SSB: variants seen among roughly 807,000 people sequenced by gnomAD.
The protein encoded by SSB is lupus La protein.
Under a neutral mutation model 52.9 loss-of-function variants are expected in SSB, and 17 were observed. The observed-to-expected ratio is 0.32, with a 90% CI of 0.22 to 0.48. SSB has a LOEUF of 0.48. Ranked by LOEUF, SSB falls within the 20% of genes least tolerant of loss-of-function variation. The probability of loss-of-function intolerance (pLI) is 0.99; values close to 1 mark genes in which losing one functional copy is unlikely to be tolerated. For synonymous variants in SSB, 111 were observed against 152.1 expected (o/e 0.73, Z 1.99); for missense variants, 314 against 463.6 (o/e 0.68, Z 2.96).
At chr2:169,799,520 G>C (rs898968086) in intron 1 of SSB, 2 of 152,002 alleles carry the variant, frequency 1.3e-5, no homozygotes, top group African/African-American at 4.8e-5. Flanking sequence ...GGAAAACGTG[G>C]GTAATATTTC....
At chr2:169,804,231 T>C (rs1558970057) in intron 2 of SSB, among the ~76,000 whole-genome samples, 1 of 144,106 alleles carries the variant, frequency 6.9e-6, no homozygotes, top group East Asian at 2.1e-4. Context: ...TGAGAAACAT[T>C]TACTTTAACT....
chr2:169,806,418 C>G (rs1486455524), intron 4 of SSB, among the ~76,000 whole-genome samples: 2 of 152,152 alleles, frequency 1.3e-5, no homozygotes, highest in African/African-American at 4.8e-5. Flanking sequence ...AGCAGCTAAA[C>G]TTGATTGCAG....
intron 1 of SSB, 92 bp from the exon 2 acceptor site, chr2:169,800,860 A>G (rs1381450228): frequency 1.2e-5 from 11 of 911,776 alleles, no homozygotes; most frequent in Non-Finnish European, 1.5e-5. Context: ...ATTTTTTAAG[A>G]AAACGGGATA....
intron 8 of SSB, 139 bp from the exon 9 acceptor site, chr2:169,810,144 T>C (rs909627290): frequency 2.2e-6 from 1 of 446,572 alleles, no homozygotes; most frequent in South Asian, 9.0e-5. Context: ...TCGCTCTTGC[T>C]GCCCCGGCGG....
intron 11 of SSB, 102 bp from the exon 12 acceptor site, chr2:169,811,566 G>A: frequency 1.4e-6 from 2 of 1,473,724 alleles, no homozygotes; most frequent in Non-Finnish European, 1.8e-6. Flanking sequence ...CAAGGAAGTT[G>A]TTGCATCTTT....
chr2:169,806,111 C>T (rs868064548), intron 4 of SSB: 9 of 410,748 alleles, frequency 2.2e-5, no homozygotes, highest in South Asian at 1.6e-4. Context: ...GCTGGGACTA[C>T]AGGTGCATGC....
At chr2:169,802,656 G>A (rs1689736608) in intron 2 of SSB, among the ~76,000 whole-genome samples, 1 of 152,118 alleles carries the variant, frequency 6.6e-6, no homozygotes, top group South Asian at 2.1e-4. Context: ...TTTGCTTCAT[G>A]CTCATACTAA....
chr2:169,807,193 G>A, intron 6 of SSB, 122 bp downstream of exon 6: 1 of 726,072 alleles, frequency 1.4e-6, no homozygotes, highest in East Asian at 2.5e-5. Flanking sequence ...GATGACCTTT[G>A]AGAAATGCTT....
chr2:169,810,558 G>C (rs938246004), intron 9 of SSB, 135 bp downstream of exon 9: 23 of 815,566 alleles, frequency 2.8e-5, no homozygotes, highest in Middle Eastern at 3.0e-4. Context: ...ATTGCCACTA[G>C]ATGTGATGTC....
chr2:169,810,825 G>C lies in SSB; in HGVS notation c.811-33G>C, dbSNP rs1338424294. 7 of 1,562,516 alleles carry C rather than the reference G, an allele frequency of 4.5e-6. No individual in the cohort carries two copies. The South Asian group carries it at 8.5e-5, about 19-fold the overall frequency. On this transcript the variant is annotated intron_variant, in intron 9 of 11. Transcript: ENST00000260956. ...AATTAATTGTGGGACTAAAAACCAA[G>C]GGTATGGCTTTTGTTTTCTGTCTCT...
chr2:169,809,867 C>T (rs767306423), intron 8 of SSB, among the ~76,000 whole-genome samples: 20 of 152,010 alleles, frequency 1.3e-4, no homozygotes, highest in African/African-American at 2.7e-4. Context: ...CCGCCTGCCT[C>T]GGCCTCCCAA....
Position 169,809,533 on chromosome 2 carries a change from C to T in SSB, c.669+631C>T, listed in dbSNP as rs112007149. Among the ~76,000 whole-genome samples, 983 of 152,112 alleles carry T rather than the reference C, an allele frequency of 6.5e-3. 11 individuals carry two copies. The highest frequency in any genetic ancestry group is 0.022 in the African/African-American group (920 of 41,500). ...ATACTAACATGACTTTTATTTTTGA[C>T]TTAATAAGATACTGATGTGTATTTC... is the stretch of plus-strand genomic sequence containing the variant. On this transcript the variant is annotated intron_variant, in intron 8 of 11. Coordinates refer to ENST00000260956, the MANE Select transcript of SSB (RefSeq NM_003142.5).
intron 1 of SSB, 135 bp downstream of exon 1, chr2:169,799,111 C>G (rs1689645720): frequency 6.6e-6 from 1 of 152,072 alleles, no homozygotes; most frequent in Admixed American, 6.6e-5. Context: ...AGGCCGAGCG[C>G]CGCGTGGGCC....
In SSB at chr2:169,809,014, T is replaced by C. The variant is rs1318247490; in HGVS notation, c.669+112T>C. The C allele has an allele frequency of 8.4e-6, 7 of 833,310 alleles. No homozygotes were observed. The East Asian group carries it at 1.8e-4, about 21-fold the overall frequency. 51.6% of individuals were successfully genotyped at this position (833,310 alleles called of 1,614,324 possible). On this transcript the variant is annotated intron_variant, in intron 8 of 11. Coordinates refer to ENST00000260956, the MANE Select transcript of SSB (RefSeq NM_003142.5). ...ACGTAAGCAAAGCTATCTATAGTTG[T>C]TATTGCATTAAGTAATACATCAGGT...
Position 169,810,381 on chromosome 2 carries a change from T to G in SSB, c.768T>G (p.His256Gln). ...REDLHILFSNHGEIKWIDFVR... is the reference protein window; with the variant it reads ...REDLHILFSNQGEIKWIDFVR... ...ATTTACACATACTTTTCTCAAATCA[T>G]GGTGAAATAAAATGGATAGACTTCG... Residue 256 changes from histidine (H) to glutamine (Q), a missense_variant, in exon 9 of 12, where the codon CAT becomes CAG. Transcript: ENST00000260956. 4.3e-6 allele frequency: 7 copies of G among 1,610,214 alleles called. No homozygotes were observed. The highest frequency in any genetic ancestry group is 5.9e-6 in the Non-Finnish European group (7 of 1,178,788).
At position 169,806,773 on chromosome 2, in the gene SSB, C is replaced by T. The variant is rs1381042157; in HGVS notation, c.346-12C>T. 4.4e-6 allele frequency: 7 copies of T among 1,581,472 alleles called. No homozygotes were observed. The African/African-American group carries it at 6.8e-5, about 15-fold the overall frequency. ...TATTTGTTATTTGTACATTTCTTCC[C>T]ACTCTTCACAGAAAGGCTTCCCAAC... On this transcript the variant is annotated splice_polypyrimidine_tract_variant and intron_variant, in intron 4 of 11. Transcript: ENST00000260956.
At position 169,805,508 on chromosome 2, in the gene SSB, A is replaced by G. The variant is rs905545381; in HGVS notation, c.101A>G (p.Lys34Arg). 4 of 1,613,664 alleles carry G rather than the reference A, an allele frequency of 2.5e-6. No homozygotes were observed. The highest frequency in any genetic ancestry group is 1.3e-5 in the African/African-American group (1 of 74,926). ...YFGDFNLPRD[K>R]FLKEQIKLDE... is the part of the protein sequence containing the mutation. ...GGCGACTTCAATTTGCCACGGGACA[A>G]GTTTCTAAAGGAACAGATAAAACTG... Residue 34 changes from lysine to arginine, a missense_variant, in exon 3 of 12, where the codon AAG becomes AGG. Transcript: ENST00000260956.
intron 2 of SSB, among the ~76,000 whole-genome samples, chr2:169,803,210 T>A (rs1689747337): frequency 6.6e-6 from 1 of 152,200 alleles, no homozygotes; most frequent in Admixed American, 6.5e-5. Flanking sequence ...TTTCTTTGAT[T>A]AACAATGAAA....
In SSB at chr2:169,806,974, T is replaced by A. The variant is rs1311333446; in HGVS notation, c.457T>A (p.Ser153Thr). The A allele has an allele frequency of 1.9e-6, 3 of 1,613,178 alleles. No homozygotes were observed. The highest frequency in any genetic ancestry group is 1.3e-5 in the African/African-American group (1 of 74,888). The change falls in exon 6 of 12, where the codon TCA becomes ACA. Residue 153 changes from serine to threonine, a missense_variant. Coordinates refer to ENST00000260956, the MANE Select transcript of SSB (RefSeq NM_003142.5). ...ATATTTTCCTTCCTTTTTACAGGGATCAATTTTTGTTGTGTTTGATAGCAT... is the reference window on the plus strand; with the variant it reads ...ATATTTTCCTTCCTTTTTACAGGGAACAATTTTTGTTGTGTTTGATAGCAT... ...RRTLHKAFKGSIFVVFDSIES... is the reference protein window; with the variant it reads ...RRTLHKAFKGTIFVVFDSIES...
Sources: allele counts gnomAD v4.1 joint callset (sites outside exome capture counted in the v4.1 genomes callset), GRCh38; gene constraint gnomAD v4.1.1; transcripts MANE v1.5; gene names NCBI Gene and HGNC (gene_info 2026-07-23, HGNC 2026-07-21).